Variants in NALF1 observed in about 807,000 individuals in gnomAD.
The protein encoded by NALF1 is NALCN channel auxiliary factor 1, also known as family with sequence similarity 155 member A.
In NALF1, 3 loss-of-function variants were observed where a neutral mutation model predicts 48.4. The observed-to-expected ratio is 0.06, with a 90% confidence interval of 0.03 to 0.16. NALF1 has a LOEUF of 0.16. Among genes scored for constraint, NALF1 ranks in the 10% least tolerant of loss-of-function variants. NALF1 has a pLI of 1.00. For missense variants in NALF1, 526 were observed against 571.5 expected, an observed-to-expected ratio of 0.92 and a Z score of 0.81; for synonymous variants, 262 against 245.7, an observed-to-expected ratio of 1.07 and a Z score of -0.62.
intron 1 of NALF1, among the ~76,000 whole-genome samples, chr13:107,840,256 A>G (rs1464967838): frequency 6.6e-6 from 1 of 152,196 alleles, no homozygotes; most frequent in Non-Finnish European, 1.5e-5. Context: ...ATTGTGATCT[A>G]TTTGAAGAGT....
At chr13:107,530,168 A>G (rs1876580400) in intron 1 of NALF1, among the ~76,000 whole-genome samples, 1 of 152,070 alleles carries the variant, frequency 6.6e-6, no homozygotes, top group Admixed American at 6.6e-5. Flanking sequence ...CCTATTAATG[A>G]GGCAGGCTCA....
intron 1 of NALF1, among the ~76,000 whole-genome samples, chr13:107,689,178 A>T (rs1881510966): frequency 1.3e-5 from 2 of 152,210 alleles, no homozygotes; most frequent in Admixed American, 1.3e-4. Flanking sequence ...TCTGCGCGCT[A>T]GTAGGCAGAT....
chr13:107,721,359 T>C (rs531059095), intron 1 of NALF1, among the ~76,000 whole-genome samples: 1 of 152,156 alleles, frequency 6.6e-6, no homozygotes, highest in Non-Finnish European at 1.5e-5. Context: ...ACTGTGACAG[T>C]CCTTCCAGAA....
intron 1 of NALF1, among the ~76,000 whole-genome samples, chr13:107,545,987 G>C (rs1877126992): frequency 6.6e-6 from 1 of 151,982 alleles, no homozygotes; most frequent in Non-Finnish European, 1.5e-5. Context: ...ATAAAAACAG[G>C]GGCTTTCTTT....
At chr13:107,727,526 T>G (rs1411022334) in intron 1 of NALF1, among the ~76,000 whole-genome samples, 1 of 152,200 alleles carries the variant, frequency 6.6e-6, no homozygotes, top group Admixed American at 6.5e-5. Flanking sequence ...GGGACTCTGC[T>G]ACAGTCCTTG....
chr13:107,319,390 C>T (rs1358778354), intron 1 of NALF1, among the ~76,000 whole-genome samples: 1 of 151,968 alleles, frequency 6.6e-6, no homozygotes, highest in Admixed American at 6.6e-5. Flanking sequence ...ATGACAATTG[C>T]AGTATTTAAT....
At chr13:107,598,307 C>T (rs139698498) in intron 1 of NALF1, among the ~76,000 whole-genome samples, 42 of 152,274 alleles carry the variant, frequency 2.8e-4, no homozygotes, top group African/African-American at 9.9e-4. Flanking sequence ...GCTGAATCCT[C>T]ATGTTCCAAT....
At chr13:107,777,598 G>A (rs1877774767) in intron 1 of NALF1, among the ~76,000 whole-genome samples, 1 of 152,162 alleles carries the variant, frequency 6.6e-6, no homozygotes, top group Non-Finnish European at 1.5e-5. Context: ...TAAAGTGCCT[G>A]CTCCAGCTTC....
At chr13:107,423,077 GT>G (rs1884220829) in intron 1 of NALF1, among the ~76,000 whole-genome samples, 1 of 152,120 alleles carries the variant, frequency 6.6e-6, no homozygotes, top group African/African-American at 2.4e-5. Context: ...CTACATTCGT[GT>G]TCATTTGTTA....
intron 1 of NALF1, among the ~76,000 whole-genome samples, chr13:107,388,696 G>A (rs1429833697): frequency 1.3e-5 from 2 of 152,154 alleles, no homozygotes; most frequent in Non-Finnish European, 1.5e-5. Context: ...AAAGTAAAAT[G>A]TATTTAAAGG....
chr13:107,474,584 A>T (rs891464405), intron 1 of NALF1, among the ~76,000 whole-genome samples: 1 of 152,222 alleles, frequency 6.6e-6, no homozygotes, highest in East Asian at 1.9e-4. Context: ...ACATACATAC[A>T]TACAGAGAGA....
intron 1 of NALF1, among the ~76,000 whole-genome samples, chr13:107,658,835 C>T (rs914520581): frequency 2.6e-5 from 4 of 151,934 alleles, no homozygotes; most frequent in Non-Finnish European, 5.9e-5. Flanking sequence ...CTTAACACCA[C>T]GAAAATGGTA....
intron 1 of NALF1, among the ~76,000 whole-genome samples, chr13:107,601,755 A>G (rs931981286): frequency 5.3e-5 from 8 of 152,074 alleles, no homozygotes. Flanking sequence ...ACACACACAC[A>G]ATAAAAAAAA....
chr13:107,658,315 G>T (rs114711712), intron 1 of NALF1, among the ~76,000 whole-genome samples: 132 of 151,918 alleles, frequency 8.7e-4, no homozygotes, highest in African/African-American at 3.0e-3. Context: ...TTTGCTTATG[G>T]AAGAGCCTCA....
intron 1 of NALF1, among the ~76,000 whole-genome samples, chr13:107,479,442 A>C (rs1324620119): frequency 2.0e-5 from 3 of 152,152 alleles, no homozygotes; most frequent in Non-Finnish European, 4.4e-5. Context: ...CATATCTATC[A>C]AAGAAGACTG....
chr13:107,217,640 A>G (rs765876047), intron 1 of NALF1, among the ~76,000 whole-genome samples: 1 of 151,950 alleles, frequency 6.6e-6, no homozygotes, highest in Non-Finnish European at 1.5e-5. Flanking sequence ...TTCTTTTCGG[A>G]GGGAAGCAGG....
chr13:107,429,221 C>T (rs1160692209), intron 1 of NALF1, among the ~76,000 whole-genome samples: 2 of 151,440 alleles, frequency 1.3e-5, no homozygotes, highest in African/African-American at 2.4e-5. Flanking sequence ...ACTCAGGAGG[C>T]TGAGTCAGGA....
At chr13:107,753,407 T>G (rs1411802269) in intron 1 of NALF1, among the ~76,000 whole-genome samples, 3 of 151,508 alleles carry the variant, frequency 2.0e-5, no homozygotes, top group African/African-American at 4.9e-5. Flanking sequence ...TGAAATTTCT[T>G]GGCAGTAAAA....
At chr13:107,802,895 GA>G (rs954884692) in intron 1 of NALF1, among the ~76,000 whole-genome samples, 11 of 152,086 alleles carry the variant, frequency 7.2e-5, no homozygotes, top group Admixed American at 5.9e-4. Flanking sequence ...TAGCCCTAAA[GA>G]AAAAAATCTC....
Sources: allele counts gnomAD v4.1 joint callset (sites outside exome capture counted in the v4.1 genomes callset), GRCh38; gene constraint gnomAD v4.1.1; transcripts MANE v1.5; gene names NCBI Gene and HGNC (gene_info 2026-07-23, HGNC 2026-07-21).